The following WDR7 variants were observed in gnomAD, a reference collection of about 807,000 sequenced individuals.
The protein encoded by WDR7 is WD repeat-containing protein 7.
Under a neutral mutation model 169.4 loss-of-function variants are expected in WDR7, and 46 were observed. The ratio of observed to expected loss-of-function variants is 0.27; its 90% confidence interval spans 0.21 to 0.35. WDR7 has a LOEUF of 0.35. WDR7 is among the 10% of genes least tolerant of loss of function. WDR7 has a pLI of 1.00. For missense variants in WDR7, 1,534 were observed against 1,859.3 expected (o/e 0.83, Z 3.22); for synonymous variants, 612 against 666.8 (o/e 0.92, Z 1.27).
chr18:56,899,293 C>G (rs1012682182), intron 21 of WDR7, among the ~76,000 whole-genome samples: 2 of 151,938 alleles, frequency 1.3e-5, no homozygotes, highest in Admixed American at 6.6e-5. Context: ...TCAACTTTAT[C>G]CATGTCCATT....
At chr18:56,794,304 A>ATTTTTTTGTT (rs2044544068) in intron 19 of WDR7, among the ~76,000 whole-genome samples, 1 of 49,466 alleles carries the variant, frequency 2.0e-5, no homozygotes, top group Non-Finnish European at 3.8e-5. Context: ...GGTAAAGTCT[A>ATTTTTTTGTT]TTTTTTTTTT....
chr18:56,730,548 C>T (rs944420803), intron 13 of WDR7, among the ~76,000 whole-genome samples: 33 of 151,920 alleles, frequency 2.2e-4, no homozygotes, highest in African/African-American at 9.7e-5. Flanking sequence ...GGGCGGATCA[C>T]GAGGTCAGGA....
chr18:56,745,203 T>G (rs1342156491), intron 14 of WDR7, among the ~76,000 whole-genome samples: 1 of 152,170 alleles, frequency 6.6e-6, no homozygotes, highest in Non-Finnish European at 1.5e-5. Flanking sequence ...ATGATGAACC[T>G]AATAGGAACT....
rs753175250 is a variant in WDR7 at position 56,785,255 on chromosome 18, C to T, written c.3190+3599C>T. On this transcript the variant is annotated intron_variant, in intron 19 of 27. Transcript: ENST00000254442. ...GCCATCAACGTGCTTGTACTGAAAT[C>T]GCCTCTACCATTGTCATTAATGTTT... Among the ~76,000 whole-genome samples, 7 of 152,150 alleles carry T rather than the reference C, an allele frequency of 4.6e-5. No homozygotes were observed. In the East Asian group the frequency reaches 5.8e-4, roughly 13 times the overall value.
At chr18:56,760,315 A>C (rs1390104305) in intron 16 of WDR7, among the ~76,000 whole-genome samples, 3 of 152,178 alleles carry the variant, frequency 2.0e-5, no homozygotes, top group African/African-American at 7.2e-5. Flanking sequence ...TTCTAGAGGT[A>C]ATCACTATCT....
At chr18:57,023,603 G>T (rs1283313189) in intron 27 of WDR7, among the ~76,000 whole-genome samples, 2 of 152,176 alleles carry the variant, frequency 1.3e-5, no homozygotes, top group African/African-American at 2.4e-5. Context: ...GAAGAAAAAA[G>T]CCAAAGTTAC....
rs116578510 is a variant in WDR7, at chr18:56,805,133, G to A, written c.3191-10898G>A. Among the ~76,000 whole-genome samples, 834 of 152,160 alleles carry A rather than the reference G, an allele frequency of 5.5e-3. 11 individuals are homozygous for A. The highest frequency in any genetic ancestry group is 0.019 in the African/African-American group (790 of 41,508). On this transcript the variant is annotated intron_variant, in intron 19 of 27. Transcript: ENST00000254442. ...ACACCCTAAGTAATGCTTTGGGTTGGGTTGGGTTCTAGATGTTCCTTAATC... is the reference window on the plus strand; with the variant it reads ...ACACCCTAAGTAATGCTTTGGGTTGAGTTGGGTTCTAGATGTTCCTTAATC...
At chr18:56,727,908 A>C (rs2026495957) in intron 13 of WDR7, among the ~76,000 whole-genome samples, 1 of 152,156 alleles carries the variant, frequency 6.6e-6, no homozygotes, top group African/African-American at 2.4e-5. Flanking sequence ...ACAGTCTTTT[A>C]CTGCAAAAAG....
intron 22 of WDR7, among the ~76,000 whole-genome samples, chr18:56,926,370 A>G (rs2145652932): frequency 6.6e-6 from 1 of 152,164 alleles, no homozygotes; most frequent in African/African-American, 2.4e-5. Flanking sequence ...AAACATTCAC[A>G]TTTTTCGATT....
At chr18:56,848,236 TG>T (rs2045594312) in intron 20 of WDR7, among the ~76,000 whole-genome samples, 1 of 152,236 alleles carries the variant, frequency 6.6e-6, no homozygotes, top group Admixed American at 6.5e-5. Context: ...ACTGTTCTGC[TG>T]GGTTTCAGAC....
intron 26 of WDR7, among the ~76,000 whole-genome samples, chr18:56,987,400 C>T (rs1023902184): frequency 9.9e-5 from 15 of 151,884 alleles, no homozygotes; most frequent in African/African-American, 2.7e-4. Context: ...CTTTCACTCA[C>T]GCTCTGCCAC....
In WDR7 at chr18:56,945,086, C is replaced by T. The variant is rs2047085481; in HGVS notation, c.4064+5693C>T. 2.0e-5 allele frequency among the ~76,000 whole-genome samples: 3 copies of T among 152,212 alleles called. No individual in the cohort carries two copies. The South Asian group carries it at 6.2e-4, about 32-fold the overall frequency. On this transcript the variant is annotated intron_variant, in intron 25 of 27. Coordinates refer to ENST00000254442, the MANE Select transcript of WDR7 (RefSeq NM_015285.3). ...TACATACACACATACTTAAAACATC[C>T]ACTTACCCTGTTCCGTAAAGGAGTT... is the stretch of plus-strand genomic sequence containing the variant.
intron 20 of WDR7, among the ~76,000 whole-genome samples, chr18:56,854,611 T>C (rs1010035063): frequency 6.6e-6 from 1 of 152,182 alleles, no homozygotes; most frequent in Admixed American, 6.5e-5. Context: ...TAATGGACTT[T>C]GTGGAGGAAA....
At chr18:56,903,763 A>G (rs762947891) in intron 21 of WDR7, among the ~76,000 whole-genome samples, 3 of 152,134 alleles carry the variant, frequency 2.0e-5, no homozygotes, top group Admixed American at 1.3e-4. Flanking sequence ...GTTCTGTCAG[A>G]TTCAAGAAAA....
At chr18:56,681,135 G>A (rs2025343731) in intron 3 of WDR7, among the ~76,000 whole-genome samples, 178 bp from the exon 4 acceptor site, 1 of 152,140 alleles carries the variant, frequency 6.6e-6, no homozygotes, top group Non-Finnish European at 1.5e-5. Flanking sequence ...CAGTTTGGAA[G>A]GGGTGTTAGG....
rs1222025948 is a variant in WDR7, at chr18:57,020,694, T to C, written c.4165-51T>C. 1.9e-6 allele frequency: 3 copies of C among 1,553,308 alleles called. No homozygotes were observed. The Admixed American group carries it at 5.0e-5, about 26-fold the overall frequency. The stretch of plus-strand genomic sequence containing the variant: ...TTGAATGCATTTGTGTGTGTACTTG[T>C]AATTGTCCTGTGAAATGCTTATCAT... On this transcript the variant is annotated intron_variant, in intron 26 of 27. Transcript: ENST00000254442.
chr18:56,920,285 A>T (rs1418222476), intron 21 of WDR7, among the ~76,000 whole-genome samples: 2 of 152,162 alleles, frequency 1.3e-5, no homozygotes, highest in Non-Finnish European at 2.9e-5. Context: ...AAGCCTTCTT[A>T]TAGCCCCCAA....
intron 12 of WDR7, among the ~76,000 whole-genome samples, chr18:56,698,775 G>A (rs1314868571): frequency 2.6e-5 from 4 of 152,190 alleles, no homozygotes; most frequent in African/African-American, 4.8e-5. Flanking sequence ...AGTTGGCCTG[G>A]AGAATATGAG....
chr18:56,820,359 A>AAAAAAAAAAAAAAAAAAAAAAAAAAAC (rs1044771844), intron 20 of WDR7, among the ~76,000 whole-genome samples: 2 of 127,508 alleles, frequency 1.6e-5, no homozygotes, highest in African/African-American at 7.0e-5. Flanking sequence ...AAAAAAAAAA[A>AAAAAAAAAAAAAAAAAAAAAAAAAAAC]AAAAACCACC....
Sources: allele counts gnomAD v4.1 joint callset (sites outside exome capture counted in the v4.1 genomes callset), GRCh38; gene constraint gnomAD v4.1.1; transcripts MANE v1.5; gene names NCBI Gene and HGNC (gene_info 2026-07-23, HGNC 2026-07-21).